C2CD5: variants seen among roughly 807,000 people sequenced by gnomAD.
The protein encoded by C2CD5 is C2 domain-containing protein 5.
In C2CD5, 109 loss-of-function variants were observed where a neutral mutation model predicts 130.3. The ratio of observed to expected loss-of-function variants is 0.84; its 90% confidence interval spans 0.72 to 0.98. The LOEUF (loss-of-function observed/expected upper bound fraction) is 0.98, where lower values mean the gene tolerates loss of function less well. Ranked by LOEUF, C2CD5 falls within the 50% of genes least tolerant of loss-of-function variation. The pLI, the probability that C2CD5 is intolerant of heterozygous loss-of-function variation, is 0.00. For missense variants in C2CD5, 996 were observed against 1,261.8 expected (o/e 0.79, Z 3.19); for synonymous variants, 454 against 429.2 (o/e 1.06, Z -0.71).
At chr12:22,460,022 TCAC>T (rs1940787960) in intron 22 of C2CD5, among the ~76,000 whole-genome samples, 1 of 152,204 alleles carries the variant, frequency 6.6e-6, no homozygotes. Context: ...GTCTTAACTC[TCAC>T]CACCAACTTC....
intron 23 of C2CD5, 22 bp from the exon 24 acceptor site, chr12:22,458,607 AAAAGAAAAAAAC>A (rs1466586073): frequency 1.3e-4 from 148 of 1,144,530 alleles, no homozygotes; most frequent in African/African-American, 3.2e-4. Context: ...GACAGAAAAC[AAAAGAAAAAAAC>A]AAAGAAAAAA....
At chr12:22,520,778 G>T (rs756260772) in intron 7 of C2CD5, among the ~76,000 whole-genome samples, 1 of 151,994 alleles carries the variant, frequency 6.6e-6, no homozygotes, top group Non-Finnish European at 1.5e-5. Context: ...CTATTGTCAA[G>T]AGAGTTAAGC....
At position 22,471,470 on chromosome 12, in the gene C2CD5, G is replaced by A. The variant is rs963429833; in HGVS notation, c.2287C>T (p.Arg763Ter). 30 of 1,591,594 alleles carry A rather than the reference G, an allele frequency of 1.9e-5. No homozygotes were observed. Among genetic ancestry groups the A allele is most frequent in the African/African-American group, 4.0e-5 (3 of 74,348 alleles). Residue 763 changes from arginine (R) to a stop codon, truncating the protein, a stop_gained, in exon 20 of 27, where the codon CGA (arginine) becomes TGA (stop). Transcript: ENST00000446597. LOFTEE classifies it high-confidence loss of function. Reference sequence around the variant, plus strand: ...CAAAGGCAGCAGGGGATCATAGATCGTAGTTTAAAGTACAGGCTCTACACA... The same window carrying A: ...CAAAGGCAGCAGGGGATCATAGATCATAGTTTAAAGTACAGGCTCTACACA... ...NLLKSLYFKL[R>*]SMIPCCLCHV...
In C2CD5 at chr12:22,465,265, TAA is replaced by T. The variant is rs572070861; in HGVS notation, c.2533+4442_2533+4443del. Among the ~76,000 whole-genome samples, 374 of 150,964 alleles carry T rather than the reference TAA, an allele frequency of 2.5e-3. 3 individuals carry two copies. The highest frequency in any genetic ancestry group is 8.0e-3 in the African/African-American group (331 of 41,234). ...GGAAAGCAGGAAACAAGGTGGGTAT[TAA>T]AAAAAAAGAGTCTTCTATACAGTTT... On this transcript the variant is annotated intron_variant, in intron 22 of 26. Transcript: ENST00000446597.
At chr12:22,466,056 A>G (rs746115256) in intron 22 of C2CD5, among the ~76,000 whole-genome samples, 1 of 152,124 alleles carries the variant, frequency 6.6e-6, no homozygotes. Flanking sequence ...CTTACTCTAC[A>G]CTGTGAATTA....
intron 3 of C2CD5, among the ~76,000 whole-genome samples, chr12:22,533,122 C>G (rs1951468193): frequency 6.6e-6 from 1 of 151,954 alleles, no homozygotes; most frequent in Non-Finnish European, 1.5e-5. Context: ...ACATTGCTGG[C>G]ACAGGGAACA....
At chr12:22,489,185 T>G (rs1475061367) in intron 12 of C2CD5, among the ~76,000 whole-genome samples, 1 of 151,954 alleles carries the variant, frequency 6.6e-6, no homozygotes, top group Non-Finnish European at 1.5e-5. Context: ...CTTTGCTTCC[T>G]TTCTTAATAT....
At chr12:22,530,268 A>G (rs1951149509) in intron 3 of C2CD5, among the ~76,000 whole-genome samples, 1 of 149,280 alleles carries the variant, frequency 6.7e-6, no homozygotes. Flanking sequence ...GTGTATATAT[A>G]TATACACAAC....
At chr12:22,540,064 C>T (rs921675292) in intron 2 of C2CD5, among the ~76,000 whole-genome samples, 1 of 151,536 alleles carries the variant, frequency 6.6e-6, no homozygotes. Context: ...GTATTACAAT[C>T]GGGTTTCAAT....
chr12:22,462,378 T>C (rs1941326872), intron 22 of C2CD5, among the ~76,000 whole-genome samples: 2 of 152,208 alleles, frequency 1.3e-5, no homozygotes, highest in South Asian at 4.1e-4. Context: ...GGTTTCCCAC[T>C]TAATGCAAGA....
chr12:22,513,177 T>C, intron 9 of C2CD5, 117 bp downstream of exon 9: 3 of 653,262 alleles, frequency 4.6e-6, no homozygotes, highest in East Asian at 2.7e-5. Context: ...ACTTCAAAAC[T>C]GCAATATTAT....
At position 22,453,986 on chromosome 12, in the gene C2CD5, C is replaced by CA; in HGVS notation, c.2933dup (p.Arg979GlufsTer28). On this transcript the variant is annotated frameshift_variant, in exon 26 of 27. Coordinates refer to ENST00000446597, the MANE Select transcript of C2CD5 (RefSeq NM_001286176.2). LOFTEE classifies it high-confidence loss of function. ...CTCCTAATGCAGCAACATGAGCTCT[C>CA]ACCATTGCAAACACTTCAGCAATAA... 6.2e-7 allele frequency: 1 copy of CA among 1,613,544 alleles called. No individual in the cohort carries two copies. The highest frequency in any genetic ancestry group is 2.2e-5 in the East Asian group (1 of 44,838).
intron 22 of C2CD5, among the ~76,000 whole-genome samples, chr12:22,465,584 G>C (rs1251889386): frequency 5.9e-5 from 9 of 151,924 alleles, no homozygotes; most frequent in Non-Finnish European, 1.0e-4. Flanking sequence ...TGAAATCTAT[G>C]AGAAGAATCT....
At chr12:22,539,736 G>A (rs1315844934) in intron 2 of C2CD5, among the ~76,000 whole-genome samples, 1 of 152,152 alleles carries the variant, frequency 6.6e-6, no homozygotes, top group Non-Finnish European at 1.5e-5. Flanking sequence ...GCTCATGCCT[G>A]TAATCCCCGC....
At chr12:22,504,494 G>A (rs959499637) in intron 10 of C2CD5, among the ~76,000 whole-genome samples, 1 of 151,956 alleles carries the variant, frequency 6.6e-6, no homozygotes, top group Non-Finnish European at 1.5e-5. Flanking sequence ...TAGAGACAGG[G>A]TTTCACCTTG....
chr12:22,465,893 A>G (rs186742052), intron 22 of C2CD5, among the ~76,000 whole-genome samples: 1 of 152,246 alleles, frequency 6.6e-6, no homozygotes, highest in East Asian at 1.9e-4. Context: ...AATATATCAA[A>G]TCAGAAAAAT....
In C2CD5 at chr12:22,459,515, G is replaced by A; in HGVS notation, c.2561C>T (p.Ser854Leu). The A allele has an allele frequency of 1.3e-6, 2 of 1,532,714 alleles. No homozygotes were observed. The highest frequency in any genetic ancestry group is 1.7e-6 in the Non-Finnish European group (2 of 1,143,964). The allele number at this position is 1,532,714 out of a possible 1,614,324, so 94.9% of individuals were successfully genotyped here. Residue 854 changes from serine to leucine, a missense_variant, in exon 23 of 27, where the codon TCA becomes TTA. This residue lies in a region of C2CD5 where 590 missense variants were observed against 631.4 expected (regional missense o/e 0.93). Transcript: ENST00000446597. ...ACCTCTCTGTGCAGCTGGTATACCT[G>A]AGTTAGAACTTGCACTCTCCAGGTG... ...KEHLESASSNSGIPAAQRATS... is the reference protein window; with the variant it reads ...KEHLESASSNLGIPAAQRATS...
intron 10 of C2CD5, among the ~76,000 whole-genome samples, chr12:22,504,598 G>A (rs911148536): frequency 7.9e-5 from 12 of 152,138 alleles, no homozygotes; most frequent in African/African-American, 2.7e-4. Context: ...GTGAGCCTCC[G>A]TGCCCAGCCC....
chr12:22,488,530 C>A (rs766441261), intron 12 of C2CD5, among the ~76,000 whole-genome samples: 4 of 151,360 alleles, frequency 2.6e-5, no homozygotes, highest in Non-Finnish European at 5.9e-5. Context: ...CAGAAAAAAA[C>A]CAAGCTACAT....
Sources: allele counts gnomAD v4.1 joint callset (sites outside exome capture counted in the v4.1 genomes callset), GRCh38; gene constraint gnomAD v4.1.1; regional missense constraint gnomAD v4.1.1; transcripts MANE v1.5; gene names NCBI Gene and HGNC (gene_info 2026-07-23, HGNC 2026-07-21).